MGAT4C: variants seen among roughly 807,000 people sequenced by gnomAD.
MGAT4C encodes MGAT4 family member C.
A neutral mutation model predicts 40.1 loss-of-function variants in MGAT4C; 19 were observed. That is an observed-to-expected ratio of 0.47 (90% confidence interval 0.33 to 0.70). The LOEUF (loss-of-function observed/expected upper bound fraction) is 0.70. Among genes scored for constraint, MGAT4C ranks in the 30% least tolerant of loss-of-function variants. MGAT4C has a pLI of 0.02. For missense variants in MGAT4C, 491 were observed against 563.2 expected (o/e 0.87, Z 1.30); for synonymous variants, 181 against 187.1 (o/e 0.97, Z 0.27).
chr12:86,438,470 C>A, intron 2 of MGAT4C, among the ~76,000 whole-genome samples: 1 of 151,850 alleles, frequency 6.6e-6, no homozygotes, highest in East Asian at 1.9e-4. Flanking sequence ...CAGCCTAAGA[C>A]AACTGATGAA....
chr12:86,003,707 T>C (rs1887586403), intron 2 of MGAT4C, among the ~76,000 whole-genome samples: 1 of 152,016 alleles, frequency 6.6e-6, no homozygotes, highest in African/African-American at 2.4e-5. Context: ...TCACTAAATA[T>C]CTAGGTCATT....
At chr12:86,045,344 A>C (rs1352146839) in intron 2 of MGAT4C, among the ~76,000 whole-genome samples, 2 of 151,912 alleles carry the variant, frequency 1.3e-5, no homozygotes. Flanking sequence ...AGTTGCCTAC[A>C]CTCCTCTCTC....
intron 2 of MGAT4C, among the ~76,000 whole-genome samples, chr12:86,700,081 T>A (rs11614945): frequency 3.5e-4 from 11 of 31,056 alleles, no homozygotes; most frequent in Non-Finnish European, 9.2e-4. Flanking sequence ...AGATAGATAA[T>A]GTAGATAGAT....
At chr12:86,492,595 T>G (rs1167304884) in intron 2 of MGAT4C, among the ~76,000 whole-genome samples, 1 of 152,212 alleles carries the variant, frequency 6.6e-6, no homozygotes, top group African/African-American at 2.4e-5. Flanking sequence ...GCTAGCCATA[T>G]GTAGAAAGCT....
intron 3 of MGAT4C, among the ~76,000 whole-genome samples, chr12:86,412,461 T>C (rs1956625965): frequency 1.3e-5 from 2 of 152,202 alleles, no homozygotes; most frequent in African/African-American, 2.4e-5. Flanking sequence ...TTTTGGAGCT[T>C]TGAGATTTAA....
At chr12:86,632,714 A>G (rs1335605037) in intron 2 of MGAT4C, among the ~76,000 whole-genome samples, 1 of 129,756 alleles carries the variant, frequency 7.7e-6, no homozygotes, top group African/African-American at 2.9e-5. Context: ...CAATGAGAAC[A>G]GTTGGACACA....
intron 2 of MGAT4C, among the ~76,000 whole-genome samples, chr12:86,548,213 T>C (rs1006602924): frequency 2.0e-5 from 3 of 152,030 alleles, no homozygotes; most frequent in Admixed American, 6.6e-5. Flanking sequence ...CAAAAATAAG[T>C]CAAAGTAAGA....
chr12:86,248,740 A>T (rs147273435), intron 1 of MGAT4C, among the ~76,000 whole-genome samples: 4 of 152,276 alleles, frequency 2.6e-5, no homozygotes, highest in African/African-American at 9.6e-5. Flanking sequence ...ATAACATTGT[A>T]GATGGGAGCG....
chr12:86,162,352 A>G (rs976454509), intron 1 of MGAT4C, among the ~76,000 whole-genome samples: 1 of 152,150 alleles, frequency 6.6e-6, no homozygotes, highest in Admixed American at 6.6e-5. Flanking sequence ...AGCATCATGG[A>G]TGGAGCTGGA....
intron 1 of MGAT4C, among the ~76,000 whole-genome samples, chr12:86,787,341 A>G (rs913626692): frequency 1.3e-5 from 2 of 152,112 alleles, no homozygotes. Flanking sequence ...ATGACTGAGT[A>G]GTATTCAATT....
chr12:86,035,527 G>C (rs1380502518), intron 2 of MGAT4C, among the ~76,000 whole-genome samples: 2 of 149,822 alleles, frequency 1.3e-5, no homozygotes, highest in Non-Finnish European at 3.0e-5. Flanking sequence ...TCTTTAGGTT[G>C]CTTGTTCACT....
At chr12:86,300,890 C>T (rs553806746) in intron 4 of MGAT4C, among the ~76,000 whole-genome samples, 2 of 152,178 alleles carry the variant, frequency 1.3e-5, no homozygotes, top group South Asian at 4.2e-4. Context: ...ATTTATAAGT[C>T]ATTTGTTTCA....
intron 1 of MGAT4C, among the ~76,000 whole-genome samples, chr12:86,054,593 A>G (rs1405930018): frequency 6.6e-6 from 1 of 152,068 alleles, no homozygotes; most frequent in African/African-American, 2.4e-5. Context: ...ATTTGAAGTA[A>G]TGCATATGTT....
chr12:86,642,793 G>GTA (rs924190813), intron 2 of MGAT4C, among the ~76,000 whole-genome samples: 7 of 150,922 alleles, frequency 4.6e-5, no homozygotes, highest in South Asian at 2.1e-4. Flanking sequence ...CATTTTATAT[G>GTA]TATATATATA....
At chr12:86,427,968 T>C (rs1956961137) in intron 3 of MGAT4C, among the ~76,000 whole-genome samples, 1 of 151,852 alleles carries the variant, frequency 6.6e-6, no homozygotes, top group South Asian at 2.1e-4. Flanking sequence ...TGCTGTGAGC[T>C]GAGATCGTGT....
intron 1 of MGAT4C, among the ~76,000 whole-genome samples, chr12:86,164,289 A>G (rs191186817): frequency 7.9e-5 from 12 of 152,314 alleles, no homozygotes; most frequent in Non-Finnish European, 1.6e-4. Context: ...GGTAAAGGTA[A>G]GTTGCCAGCA....
At chr12:86,202,557 T>C (rs1409637565) in intron 1 of MGAT4C, among the ~76,000 whole-genome samples, 4 of 151,900 alleles carry the variant, frequency 2.6e-5, no homozygotes, top group Non-Finnish European at 4.4e-5. Flanking sequence ...GTTGATATTT[T>C]TCACCAGTTT....
intron 3 of MGAT4C, among the ~76,000 whole-genome samples, chr12:86,434,552 C>T (rs1957103445): frequency 6.6e-6 from 1 of 151,872 alleles, no homozygotes; most frequent in Non-Finnish European, 1.5e-5. Context: ...AAGCACATTA[C>T]AGGCTGAAGA....
intron 2 of MGAT4C, among the ~76,000 whole-genome samples, chr12:86,672,642 G>T (rs767556050): frequency 4.6e-5 from 7 of 152,020 alleles, no homozygotes; most frequent in Admixed American, 3.9e-4. Context: ...TACTATGAGC[G>T]ACTATATACC....
Sources: allele counts gnomAD v4.1 joint callset (sites outside exome capture counted in the v4.1 genomes callset), GRCh38; gene constraint gnomAD v4.1.1; transcripts MANE v1.5; gene names NCBI Gene and HGNC (gene_info 2026-07-23, HGNC 2026-07-21).